The following RBFOX1 variants were observed in gnomAD, a reference collection of about 807,000 sequenced individuals.
RBFOX1 encodes the protein RNA binding fox-1 homolog 1, also known as RNA binding protein fox-1 homolog 1.
RBFOX1 carries 8 observed loss-of-function variants against 57.7 expected under a neutral mutation model. The ratio of observed to expected loss-of-function variants is 0.14; its 90% CI spans 0.08 to 0.25. RBFOX1 has a LOEUF of 0.25. Among genes scored for constraint, RBFOX1 ranks in the 10% least tolerant of loss-of-function variants. The pLI, the probability that RBFOX1 is intolerant of heterozygous loss-of-function variation, is 1.00. For synonymous variants in RBFOX1, 326 were observed against 222.4 expected (o/e 1.47, Z -4.15); for missense variants, 611 against 548.5 (o/e 1.11, Z -1.14).
rs949107627 is a variant in RBFOX1 at position 7,683,958 on chromosome 16, G to A, written c.995+7120G>A. Among the ~76,000 whole-genome samples, 36 of 152,060 alleles carry A rather than the reference G, an allele frequency of 2.4e-4. 1 individual carries two copies. Among genetic ancestry groups the A allele is most frequent in the Admixed American group, 2.2e-3 (33 of 15,246 alleles). ...AAATTAAACCGCTCCACTTTGTTAC[G>A]TTGTTCTTTGTTTGGGTTTTATGTC... On this transcript the variant is annotated intron_variant, in intron 14 of 15. Coordinates refer to ENST00000550418, the MANE Select transcript of RBFOX1 (RefSeq NM_018723.4).
At chr16:5,721,212 C>T (rs2151533950) in intron 3 of RBFOX1, among the ~76,000 whole-genome samples, 1 of 152,100 alleles carries the variant, frequency 6.6e-6, no homozygotes, top group East Asian at 1.9e-4. Flanking sequence ...CTTTTTGATA[C>T]TATTATAAAG....
intron 3 of RBFOX1, among the ~76,000 whole-genome samples, chr16:6,970,921 T>C (rs907511940): frequency 1.3e-5 from 2 of 152,164 alleles, no homozygotes; most frequent in African/African-American, 4.8e-5. Flanking sequence ...GCTGTTCCAT[T>C]TGTCTGAAAC....
Position 6,905,468 on chromosome 16 carries a change from G to C in RBFOX1, c.-15-146589G>C, listed in dbSNP as rs1596745998. On this transcript the variant is annotated intron_variant, in intron 3 of 15. Coordinates refer to ENST00000550418, the MANE Select transcript of RBFOX1 (RefSeq NM_018723.4). ...CTTGGGAGTCTGAGGCAGGAGAATG[G>C]CTTGAACCCGGGAGGCATAGGTTGC... Among the ~76,000 whole-genome samples the C allele has an allele frequency of 2.0e-5, 3 of 151,760 alleles. No individual in the cohort carries two copies. In the East Asian group the frequency reaches 5.8e-4, roughly 30 times the overall value.
intron 4 of RBFOX1, among the ~76,000 whole-genome samples, chr16:5,892,898 G>T (rs2058079649): frequency 6.6e-6 from 1 of 152,122 alleles, no homozygotes; most frequent in Admixed American, 6.5e-5. Context: ...ATGTCAACAG[G>T]GGCTGTAGGC....
intron 3 of RBFOX1, among the ~76,000 whole-genome samples, chr16:5,662,778 G>T (rs1340762433): frequency 2.0e-5 from 3 of 152,294 alleles, no homozygotes; most frequent in South Asian, 2.1e-4. Context: ...AGACAATCGG[G>T]TTCACTGTTT....
intron 3 of RBFOX1, among the ~76,000 whole-genome samples, chr16:5,814,793 G>A (rs1282813967): frequency 6.6e-6 from 1 of 152,156 alleles, no homozygotes; most frequent in East Asian, 1.9e-4. Context: ...GCCAGGCGCG[G>A]TGGAGGGCGC....
In RBFOX1 at chr16:6,146,904, G is replaced by A. The variant is rs77891750; in HGVS notation, c.-127+126912G>A. On this transcript the variant is annotated intron_variant, in intron 1 of 15. Transcript: ENST00000550418. ...TGAGAGGCATCAAGAAATGGTAGAC[G>A]ATTCTGAAGCATGGCATCACGTGGC... Among the ~76,000 whole-genome samples, 634 of 152,218 alleles carry A rather than the reference G, an allele frequency of 4.2e-3. 6 individuals carry two copies. Among genetic ancestry groups the A allele is most frequent in the African/African-American group, 0.015 (615 of 41,550 alleles).
At chr16:6,671,573 C>G (rs957607865) in intron 3 of RBFOX1, among the ~76,000 whole-genome samples, 8 of 152,092 alleles carry the variant, frequency 5.3e-5, no homozygotes, top group African/African-American at 1.2e-4. Flanking sequence ...TCTCAGATTC[C>G]TCTTCTGAAC....
At chr16:5,563,543 A>G (rs1019152198) in intron 2 of RBFOX1, among the ~76,000 whole-genome samples, 1 of 152,216 alleles carries the variant, frequency 6.6e-6, no homozygotes, top group Non-Finnish European at 1.5e-5. Flanking sequence ...AACATTTTAC[A>G]GTTAACGCAC....
intron 4 of RBFOX1, among the ~76,000 whole-genome samples, chr16:7,348,007 G>T (rs982004596): frequency 3.9e-5 from 6 of 152,208 alleles, no homozygotes; most frequent in Non-Finnish European, 2.9e-5. Context: ...GTCTTAACGA[G>T]CAGTCAATTG....
Position 5,706,241 on chromosome 16 carries a change from T to G in RBFOX1, c.318+107280T>G, listed in dbSNP as rs550059581. ...GCTTTTTTTCCTATGATTTTTGTCT[T>G]AGAACATTCCGAAAGTTACGAAAAT... On this transcript the variant is annotated intron_variant, in intron 3 of 19. Transcript: ENST00000641259. 4.6e-5 allele frequency among the ~76,000 whole-genome samples: 7 copies of G among 152,314 alleles called. No homozygotes were observed. In the South Asian group the frequency reaches 1.5e-3, roughly 32 times the overall value.
intron 3 of RBFOX1, among the ~76,000 whole-genome samples, chr16:6,849,260 G>C (rs2093936265): frequency 6.6e-6 from 1 of 152,138 alleles, no homozygotes; most frequent in African/African-American, 2.4e-5. Context: ...TCTTTCCGTG[G>C]CACCTAAAAG....
At chr16:6,421,088 C>T (rs2093758845) in intron 2 of RBFOX1, among the ~76,000 whole-genome samples, 1 of 152,200 alleles carries the variant, frequency 6.6e-6, no homozygotes, top group African/African-American at 2.4e-5. Context: ...AAGTCAATCA[C>T]ATGAAGGCTG....
intron 1 of RBFOX1, among the ~76,000 whole-genome samples, chr16:5,391,129 G>T (rs1354317377): frequency 7.9e-5 from 12 of 152,314 alleles, no homozygotes; most frequent in Non-Finnish European, 1.2e-4. Context: ...TACACGTTAG[G>T]TTGTGTTAGG....
chr16:5,405,480 T>C (rs1303856902), intron 1 of RBFOX1, among the ~76,000 whole-genome samples: 1 of 152,210 alleles, frequency 6.6e-6, no homozygotes, highest in Non-Finnish European at 1.5e-5. Flanking sequence ...TCCCCAGCCA[T>C]GTGGAACTGT....
intron 2 of RBFOX1, among the ~76,000 whole-genome samples, chr16:6,488,118 C>T (rs769495059): frequency 2.0e-5 from 3 of 152,154 alleles, no homozygotes; most frequent in Non-Finnish European, 4.4e-5. Context: ...GTTTGTTTTA[C>T]AGAGAAGACC....
chr16:6,089,366 A>G (rs2096137473), intron 1 of RBFOX1, among the ~76,000 whole-genome samples: 1 of 152,144 alleles, frequency 6.6e-6, no homozygotes. Flanking sequence ...AGCAAATGCA[A>G]AGGCCCAGAG....
At chr16:6,650,600 G>A (rs1602725596) in intron 2 of RBFOX1, among the ~76,000 whole-genome samples, 1 of 152,278 alleles carries the variant, frequency 6.6e-6, no homozygotes. Flanking sequence ...GCACGAAAGA[G>A]GTATTTAATC....
intron 7 of RBFOX1, among the ~76,000 whole-genome samples, chr16:7,591,090 C>A (rs149455479): frequency 7.0e-4 from 106 of 152,002 alleles, no homozygotes; most frequent in African/African-American, 2.4e-3. Flanking sequence ...GACAGGCAGG[C>A]TGATATTGTG....
Sources: gnomAD v4.1 joint callset for allele counts (sites outside exome capture counted in the v4.1 genomes callset) on GRCh38, gnomAD v4.1.1 for gene constraint, MANE v1.5 for transcripts, NCBI Gene and HGNC (gene_info 2026-07-23, HGNC 2026-07-21) for gene names.